PCDH7: variants seen among roughly 807,000 people sequenced by gnomAD.
The protein encoded by PCDH7 is protocadherin 7, also known as protocadherin-7.
PCDH7 carries 17 observed loss-of-function variants against 58.9 expected under a neutral mutation model. That is an observed-to-expected ratio of 0.29 (90% CI 0.20 to 0.43). PCDH7 has a LOEUF of 0.43. PCDH7 is among the 20% of genes least tolerant of loss of function. The probability of loss-of-function intolerance (pLI) is 1.00; values close to 1 mark genes in which losing one functional copy is unlikely to be tolerated. For missense variants in PCDH7, 1,274 were observed against 1,441.0 expected (o/e 0.88, Z 1.88); for synonymous variants, 664 against 616.4 (o/e 1.08, Z -1.14).
Position 31,076,600 on chromosome 4 carries a change from G to C in PCDH7, c.*8-65873G>C, listed in dbSNP as rs546206405. Among the ~76,000 whole-genome samples, 29 of 152,192 alleles carry C rather than the reference G, an allele frequency of 1.9e-4. 1 individual carries two copies. The East Asian group carries it at 5.6e-3, about 29-fold the overall frequency. The stretch of plus-strand genomic sequence containing the variant: ...GTTTATTCAAACAAACCAATTCTAA[G>C]AAAGCTACATTTTATTCTTATTTCT... On this transcript the variant is annotated intron_variant, in intron 3 of 3. Transcript: ENST00000509759.
At chr4:30,786,538 G>A (rs1423645300) in intron 1 of PCDH7, among the ~76,000 whole-genome samples, 2 of 148,982 alleles carry the variant, frequency 1.3e-5, no homozygotes, top group Admixed American at 1.3e-4. Flanking sequence ...GATGCCTCAG[G>A]GTTGTTAATT....
chr4:31,111,521 G>C (rs1716317198), intron 3 of PCDH7, among the ~76,000 whole-genome samples: 1 of 152,022 alleles, frequency 6.6e-6, no homozygotes, highest in South Asian at 2.1e-4. Flanking sequence ...TGTTGGCCAG[G>C]CTGGTCTCAA....
chr4:30,949,168 A>G (rs986590973), intron 2 of PCDH7, among the ~76,000 whole-genome samples: 3 of 152,140 alleles, frequency 2.0e-5, no homozygotes, highest in African/African-American at 4.8e-5. Flanking sequence ...ATTTTTTTAC[A>G]TTACTTTTCT....
At chr4:30,838,908 A>G (rs1444824947) in intron 1 of PCDH7, among the ~76,000 whole-genome samples, 1 of 152,064 alleles carries the variant, frequency 6.6e-6, no homozygotes, top group Non-Finnish European at 1.5e-5. Flanking sequence ...GACTATAGGG[A>G]GAAAAGCATC....
chr4:30,745,145 GT>G (rs1269320922), intron 1 of PCDH7, among the ~76,000 whole-genome samples: 1 of 151,944 alleles, frequency 6.6e-6, no homozygotes, highest in Non-Finnish European at 1.5e-5. Context: ...TTTCTGGAAT[GT>G]TTACACCCTC....
chr4:30,920,356 G>A (rs1294204098), exon 2 of PCDH7: 2 of 1,367,250 alleles, frequency 1.5e-6, no homozygotes, highest in Non-Finnish European at 2.0e-6. Flanking sequence ...GTGAGGCAGA[G>A]CATATGGAAA....
intron 1 of PCDH7, among the ~76,000 whole-genome samples, chr4:30,760,595 A>T (rs1719896767): frequency 6.6e-6 from 1 of 152,172 alleles, no homozygotes; most frequent in Non-Finnish European, 1.5e-5. Context: ...CCCATTCACA[A>T]TTGCCACAAA....
At chr4:30,940,032 G>A (rs986020270) in intron 2 of PCDH7, among the ~76,000 whole-genome samples, 12 of 151,604 alleles carry the variant, frequency 7.9e-5, no homozygotes, top group African/African-American at 1.7e-4. Context: ...TGATGAGCAC[G>A]TGCCTGAAAT....
intron 1 of PCDH7, among the ~76,000 whole-genome samples, chr4:30,857,599 C>T (rs554103125): frequency 6.6e-6 from 1 of 152,178 alleles, no homozygotes; most frequent in East Asian, 1.9e-4. Flanking sequence ...GCCCAGACTC[C>T]TCATTTTAGG....
rs76936974 is a variant in PCDH7 at position 31,030,409 on chromosome 4, A to G, written c.*7+80194A>G. ...CCAAACTTTTGCATTTAGGAATGCT[A>G]TCTGAAGACTAGCCAGGGTTAGCTA... On this transcript the variant is annotated intron_variant, in intron 3 of 3. Transcript: ENST00000509759. Among the ~76,000 whole-genome samples, 1,436 of 152,334 alleles carry G rather than the reference A, an allele frequency of 9.4e-3. 29 individuals carry two copies. In the East Asian group the frequency reaches 0.11, roughly 11 times the overall value.
At chr4:31,111,762 C>G (rs912605493) in intron 3 of PCDH7, among the ~76,000 whole-genome samples, 2 of 152,190 alleles carry the variant, frequency 1.3e-5, no homozygotes, top group Non-Finnish European at 2.9e-5. Context: ...TAACTCGAAA[C>G]CTCTGCAGTG....
At chr4:30,979,253 G>A (rs1386112471) in intron 3 of PCDH7, among the ~76,000 whole-genome samples, 2 of 151,034 alleles carry the variant, frequency 1.3e-5, no homozygotes, top group African/African-American at 4.9e-5. Context: ...GTGAACCCAG[G>A]AGGAGGAGCT....
intron 1 of PCDH7, among the ~76,000 whole-genome samples, chr4:30,906,693 A>G (rs1740975784): frequency 6.6e-6 from 1 of 152,214 alleles, no homozygotes; most frequent in Non-Finnish European, 1.5e-5. Flanking sequence ...GCTGTTATAT[A>G]GCATCTTGAA....
intron 3 of PCDH7, among the ~76,000 whole-genome samples, chr4:31,077,977 GA>G (rs1410417120): frequency 6.6e-6 from 1 of 152,046 alleles, no homozygotes; most frequent in Non-Finnish European, 1.5e-5. Context: ...TGGGTTAAAG[GA>G]AACAGGAATA....
At chr4:30,763,595 T>A (rs1720324608) in intron 1 of PCDH7, among the ~76,000 whole-genome samples, 2 of 152,192 alleles carry the variant, frequency 1.3e-5, no homozygotes, top group South Asian at 4.1e-4. Context: ...AGCTGTCTAG[T>A]CAGAAGTAGG....
At chr4:31,100,287 G>T (rs1056886131) in intron 3 of PCDH7, among the ~76,000 whole-genome samples, 2 of 152,148 alleles carry the variant, frequency 1.3e-5, no homozygotes, top group Non-Finnish European at 2.9e-5. Context: ...GCTGAACCAG[G>T]TTTGGAGAAA....
At chr4:30,909,261 A>G (rs1195709956) in intron 1 of PCDH7, among the ~76,000 whole-genome samples, 1 of 152,212 alleles carries the variant, frequency 6.6e-6, no homozygotes, top group Non-Finnish European at 1.5e-5. Context: ...TTCTGTTTGA[A>G]AAACGGCACA....
intron 1 of PCDH7, among the ~76,000 whole-genome samples, chr4:30,878,942 G>A (rs141915509): frequency 8.5e-5 from 13 of 152,174 alleles, no homozygotes; most frequent in Non-Finnish European, 1.3e-4. Context: ...TGCAGTCTTC[G>A]TTGCAGCAAC....
At position 30,974,246 on chromosome 4, in the gene PCDH7, CTTCCT is replaced by C. The variant is rs6148377; in HGVS notation, c.*7+24055_*7+24059del. Among the ~76,000 whole-genome samples, 277 of 129,352 alleles carry C rather than the reference CTTCCT, an allele frequency of 2.1e-3. 4 individuals are homozygous for C. The highest frequency in any genetic ancestry group is 6.9e-3 in the African/African-American group (201 of 29,172). 84.9% of individuals were successfully genotyped at this position (129,352 alleles called of 152,430 possible). On this transcript the variant is annotated intron_variant, in intron 3 of 3. Coordinates refer to the PCDH7 transcript ENST00000509759. ...TTTCTTTCTTTCTTTTTCTTTCTTT[CTTCCT>C]TTCCTTTCCTTTCCTTTCCTTTCAT...
Sources: allele counts gnomAD v4.1 joint callset (sites outside exome capture counted in the v4.1 genomes callset), GRCh38; gene constraint gnomAD v4.1.1; transcripts MANE v1.5; gene names NCBI Gene and HGNC (gene_info 2026-07-23, HGNC 2026-07-21).